Variants in LIPC observed in about 807,000 individuals in gnomAD.
LIPC encodes lipase C, hepatic type, also known as hepatic triacylglycerol lipase.
LIPC carries 44 observed loss-of-function variants against 50.7 expected under a neutral mutation model. That is an observed-to-expected ratio of 0.87 (90% CI 0.68 to 1.11). LIPC has a LOEUF of 1.11. Ranked by LOEUF, LIPC falls within the 50% of genes most tolerant of loss-of-function variation. The pLI is 0.00. For missense variants in LIPC, 697 were observed against 648.2 expected, an observed-to-expected ratio of 1.08 and a Z score of -0.82; for synonymous variants, 271 against 256.4, an observed-to-expected ratio of 1.06 and a Z score of -0.54.
chr15:58,462,543 TCCCTTACTGGA>T (rs1894390622), intron 1 of LIPC, among the ~76,000 whole-genome samples: 1 of 152,138 alleles, frequency 6.6e-6, no homozygotes, highest in South Asian at 2.1e-4. Context: ...TCTCTCTCCT[TCCCTTACTGGA>T]CCCCAGACCA....
chr15:58,502,653 A>C (rs1415100349), intron 1 of LIPC, among the ~76,000 whole-genome samples: 1 of 152,004 alleles, frequency 6.6e-6, no homozygotes, highest in Non-Finnish European at 1.5e-5. Context: ...CACCCTTTTG[A>C]GCTCTAATTA....
intron 8 of LIPC, chr15:58,566,318 G>A (rs1894364128): frequency 1.0e-6 from 1 of 985,450 alleles, no homozygotes; most frequent in Non-Finnish European, 1.2e-6. Context: ...AATATGGCTG[G>A]CAGGATCGGA....
chr15:58,434,356 C>T (rs993167625), intron 1 of LIPC, among the ~76,000 whole-genome samples: 3 of 152,196 alleles, frequency 2.0e-5, no homozygotes, highest in Non-Finnish European at 2.9e-5. Context: ...TGACATCTTA[C>T]TAATGGAGTC....
At chr15:58,547,828 G>A (rs934746935) in intron 5 of LIPC, among the ~76,000 whole-genome samples, 2 of 151,950 alleles carry the variant, frequency 1.3e-5, no homozygotes, top group Admixed American at 6.6e-5. Context: ...AGGCCTCAGC[G>A]TTCTCCAGAC....
chr15:58,473,741 A>T (rs1330968130), intron 1 of LIPC: 3 of 152,258 alleles, frequency 2.0e-5, no homozygotes, highest in African/African-American at 7.2e-5. Context: ...AGGTTAAGTG[A>T]CTTGTCCAAG....
chr15:58,450,249 G>A (rs992385548), intron 1 of LIPC, among the ~76,000 whole-genome samples: 1 of 152,224 alleles, frequency 6.6e-6, no homozygotes, highest in Non-Finnish European at 1.5e-5. Flanking sequence ...ACTTGAGTGT[G>A]CATCACAACC....
intron 1 of LIPC, among the ~76,000 whole-genome samples, chr15:58,433,268 G>A (rs1893183655): frequency 6.6e-6 from 1 of 152,154 alleles, no homozygotes; most frequent in African/African-American, 2.4e-5. Context: ...CTTTGCCCCG[G>A]AATGTTGTAT....
At chr15:58,436,788 A>G (rs1244516912) in intron 1 of LIPC, 2 of 456,282 alleles carry the variant, frequency 4.4e-6, no homozygotes, top group Non-Finnish European at 8.8e-6. Context: ...GCGGCATTTG[A>G]GTAGGGTGTT....
intron 1 of LIPC, among the ~76,000 whole-genome samples, chr15:58,520,438 A>G (rs1184215300): frequency 6.6e-6 from 1 of 152,130 alleles, no homozygotes; most frequent in Non-Finnish European, 1.5e-5. Flanking sequence ...TAAAGCGCTC[A>G]GCCCTCTCCC....
At chr15:58,477,127 C>T (rs1396873939) in intron 1 of LIPC, among the ~76,000 whole-genome samples, 4 of 152,226 alleles carry the variant, frequency 2.6e-5, no homozygotes, top group South Asian at 2.1e-4. Flanking sequence ...CTATAGTCCA[C>T]AGGCATCAGA....
intron 1 of LIPC, among the ~76,000 whole-genome samples, chr15:58,531,183 T>C (rs1566940487): frequency 6.6e-6 from 1 of 152,216 alleles, no homozygotes; most frequent in Non-Finnish European, 1.5e-5. Context: ...AGAGAAGTGA[T>C]ATTCCGTTGT....
At chr15:58,434,990 T>TCC (rs1893246087) in intron 1 of LIPC, 2 of 152,238 alleles carry the variant, frequency 1.3e-5, no homozygotes, top group Non-Finnish European at 2.9e-5. Flanking sequence ...TTCACACGTT[T>TCC]CCTCTCTTAA....
intron 1 of LIPC, among the ~76,000 whole-genome samples, chr15:58,519,671 G>C (rs1307198565): frequency 1.3e-5 from 2 of 152,176 alleles, no homozygotes; most frequent in African/African-American, 4.8e-5. Flanking sequence ...TTCATCAATA[G>C]ACTGAATATT....
At chr15:58,467,910 C>T (rs974667236) in intron 1 of LIPC, among the ~76,000 whole-genome samples, 29 of 152,168 alleles carry the variant, frequency 1.9e-4, no homozygotes, top group African/African-American at 6.8e-4. Flanking sequence ...AGAGCTTGGA[C>T]TCCGGGGTCA....
chr15:58,494,272 G>A (rs1891691409), intron 1 of LIPC, among the ~76,000 whole-genome samples: 1 of 152,194 alleles, frequency 6.6e-6, no homozygotes, highest in Non-Finnish European at 1.5e-5. Flanking sequence ...TCTGTTATTG[G>A]TCAGACCAAC....
intron 5 of LIPC, 38 bp downstream of exon 5, chr15:58,546,013 A>G (rs978352919): frequency 6.8e-7 from 1 of 1,476,150 alleles, no homozygotes. Context: ...ACCGGCCTAC[A>G]TTTCAATGGG....
intron 6 of LIPC, among the ~76,000 whole-genome samples, chr15:58,555,680 C>A (rs1286805861): frequency 6.6e-6 from 1 of 152,130 alleles, no homozygotes; most frequent in African/African-American, 2.4e-5. Context: ...AAGTGGGACT[C>A]CTTACAACAG....
chr15:58,497,566 C>T (rs1174077236), intron 1 of LIPC, among the ~76,000 whole-genome samples: 4 of 152,030 alleles, frequency 2.6e-5, no homozygotes, highest in African/African-American at 4.8e-5. Flanking sequence ...CTTCCTCCCT[C>T]CTGGAAGCAA....
At chr15:58,456,454 A>G (rs1172184596) in intron 1 of LIPC, 1 of 152,268 alleles carries the variant, frequency 6.6e-6, no homozygotes, top group African/African-American at 2.4e-5. Context: ...CTTTTCCAGT[A>G]TGAAGGGCAA....
Sources: allele counts gnomAD v4.1 joint callset (sites outside exome capture counted in the v4.1 genomes callset), GRCh38; gene constraint gnomAD v4.1.1; transcripts MANE v1.5; gene names NCBI Gene and HGNC (gene_info 2026-07-23, HGNC 2026-07-21).